TEAD1: variants seen among roughly 807,000 people sequenced by gnomAD.
The protein encoded by TEAD1 is TEA domain transcription factor 1.
TEAD1 carries 9 observed loss-of-function variants against 54.9 expected under a neutral mutation model. That is an observed-to-expected ratio of 0.16 (90% CI 0.10 to 0.29). TEAD1 has a LOEUF of 0.29. Ranked by LOEUF, TEAD1 falls within the 10% of genes least tolerant of loss-of-function variation. The probability of loss-of-function intolerance (pLI) is 1.00; values close to 1 mark genes in which losing one functional copy is unlikely to be tolerated. For missense variants in TEAD1, 387 were observed against 535.9 expected (o/e 0.72, Z 2.74); for synonymous variants, 200 against 187.8 (o/e 1.07, Z -0.53).
At chr11:12,795,939 T>G (rs1945909736) in intron 3 of TEAD1, among the ~76,000 whole-genome samples, 1 of 152,246 alleles carries the variant, frequency 6.6e-6, no homozygotes, top group Non-Finnish European at 1.5e-5. Flanking sequence ...TTTTAAAAGC[T>G]GCCCAGATTA....
intron 2 of TEAD1, among the ~76,000 whole-genome samples, chr11:12,730,527 A>G (rs1017399288): frequency 4.2e-5 from 6 of 142,250 alleles, no homozygotes; most frequent in Non-Finnish European, 9.0e-5. Flanking sequence ...TTGAACTTGT[A>G]TGAGAGAAAT....
intron 3 of TEAD1, among the ~76,000 whole-genome samples, chr11:12,797,590 C>T (rs2133970949): frequency 6.6e-6 from 1 of 151,602 alleles, no homozygotes; most frequent in South Asian, 2.1e-4. Context: ...ACCTTTCTTC[C>T]TCTTCCTGAC....
At chr11:12,707,850 G>A (rs1320090355) in intron 2 of TEAD1, among the ~76,000 whole-genome samples, 2 of 152,200 alleles carry the variant, frequency 1.3e-5, no homozygotes, top group South Asian at 2.1e-4. Flanking sequence ...AAGATTGTTA[G>A]AAATACTAAA....
chr11:12,813,406 CTG>C (rs1946347603), intron 3 of TEAD1, among the ~76,000 whole-genome samples: 1 of 152,200 alleles, frequency 6.6e-6, no homozygotes, highest in Non-Finnish European at 1.5e-5. Flanking sequence ...GGGATGAGCA[CTG>C]TGGATCATCT....
In TEAD1 at chr11:12,764,191, GA is replaced by G. The variant is rs2133925714; in HGVS notation, c.-38del. 6.3e-7 allele frequency: 1 copy of G among 1,595,228 alleles called. No homozygotes were observed. ...TTTTCTCTTCTAGGTTTATTTTCTT[GA>G]AAAGGCTCCAGGCTTCGGCTTGGAA... On this transcript the variant is annotated 5_prime_UTR_variant, in exon 3 of 13. Coordinates refer to ENST00000527636, the MANE Select transcript of TEAD1 (RefSeq NM_021961.6).
chr11:12,687,956 G>T (rs896633755), intron 2 of TEAD1, among the ~76,000 whole-genome samples: 3 of 152,176 alleles, frequency 2.0e-5, no homozygotes, highest in African/African-American at 7.2e-5. Flanking sequence ...TAGTTTGGAA[G>T]TTTGGAACTG....
At chr11:12,786,403 C>T (rs949159193) in intron 3 of TEAD1, among the ~76,000 whole-genome samples, 3 of 152,188 alleles carry the variant, frequency 2.0e-5, no homozygotes, top group Admixed American at 2.0e-4. Flanking sequence ...TCCCAGCTGA[C>T]CAGAGTGGTC....
At chr11:12,841,051 G>T (rs979190604) in intron 3 of TEAD1, among the ~76,000 whole-genome samples, 2 of 152,288 alleles carry the variant, frequency 1.3e-5, no homozygotes, top group African/African-American at 4.8e-5. Context: ...ATACGCTAAG[G>T]GCAGTGCATG....
At chr11:12,751,601 T>C (rs1053528473) in intron 2 of TEAD1, among the ~76,000 whole-genome samples, 23 of 152,160 alleles carry the variant, frequency 1.5e-4, no homozygotes, top group African/African-American at 1.9e-4. Context: ...TTGGGACATA[T>C]GGCTGAAGGG....
Position 12,845,098 on chromosome 11 carries a change from G to T in TEAD1, c.203-17152G>T, listed in dbSNP as rs563225737. The stretch of plus-strand genomic sequence containing the variant: ...CTCTGCCTCAGCCTCCTGAGTAGCT[G>T]GGACTACAGGCACCCACTACCATGC... On this transcript the variant is annotated intron_variant, in intron 3 of 12. Transcript: ENST00000527636. Among the ~76,000 whole-genome samples, 23 of 150,686 alleles carry T rather than the reference G, an allele frequency of 1.5e-4. 1 individual carries two copies. The South Asian group carries it at 4.8e-3, about 32-fold the overall frequency.
At chr11:12,780,325 C>T (rs1274497042) in intron 3 of TEAD1, among the ~76,000 whole-genome samples, 2 of 150,248 alleles carry the variant, frequency 1.3e-5, no homozygotes, top group Non-Finnish European at 2.9e-5. Flanking sequence ...CTCACTACAA[C>T]CTCCGCCTCC....
chr11:12,783,193 T>C (rs1447421644), intron 3 of TEAD1, among the ~76,000 whole-genome samples: 209 of 84,118 alleles, frequency 2.5e-3, no homozygotes, highest in African/African-American at 0.012. Context: ...TTTTTGTGCC[T>C]TTTTTTTTTT....
At chr11:12,747,656 A>G (rs1216934961) in intron 2 of TEAD1, among the ~76,000 whole-genome samples, 1 of 152,182 alleles carries the variant, frequency 6.6e-6, no homozygotes, top group Non-Finnish European at 1.5e-5. Flanking sequence ...GTTGTCAGCT[A>G]TTTGAGAACC....
chr11:12,861,988 T>C (rs1188529907), intron 3 of TEAD1, among the ~76,000 whole-genome samples: 1 of 98,672 alleles, frequency 1.0e-5, no homozygotes, highest in Non-Finnish European at 2.2e-5. Flanking sequence ...CTCTGTCTTT[T>C]TTTTTTTTTT....
intron 2 of TEAD1, among the ~76,000 whole-genome samples, chr11:12,716,274 C>T (rs572504577): frequency 2.6e-5 from 4 of 152,182 alleles, no homozygotes; most frequent in Admixed American, 6.5e-5. Context: ...CCTCATCTGT[C>T]TTAGAACAGG....
chr11:12,879,442 C>T (rs1564974380), intron 5 of TEAD1: 7 of 614,834 alleles, frequency 1.1e-5, no homozygotes, highest in East Asian at 5.5e-5. Context: ...GTCCACTCTT[C>T]TGAGAGGCTT....
At chr11:12,739,868 A>G (rs1381243484) in intron 2 of TEAD1, among the ~76,000 whole-genome samples, 1 of 152,210 alleles carries the variant, frequency 6.6e-6, no homozygotes, top group Non-Finnish European at 1.5e-5. Flanking sequence ...GAGAAGCCCA[A>G]TGAATTATTA....
At chr11:12,846,104 G>C (rs1418195728) in intron 3 of TEAD1, among the ~76,000 whole-genome samples, 1 of 152,240 alleles carries the variant, frequency 6.6e-6, no homozygotes, top group Non-Finnish European at 1.5e-5. Flanking sequence ...TCATCTGGTA[G>C]AGATTACAGT....
intron 3 of TEAD1, among the ~76,000 whole-genome samples, chr11:12,776,000 A>G (rs1037438353): frequency 1.3e-5 from 2 of 149,860 alleles, no homozygotes; most frequent in Admixed American, 6.7e-5. Flanking sequence ...AAGTTACGGC[A>G]GGGTCACAGT....
Sources: allele counts gnomAD v4.1 joint callset (sites outside exome capture counted in the v4.1 genomes callset), GRCh38; gene constraint gnomAD v4.1.1; transcripts MANE v1.5; gene names NCBI Gene and HGNC (gene_info 2026-07-23, HGNC 2026-07-21).